ADAMTSL3: variants seen among roughly 807,000 people sequenced by gnomAD.
The protein encoded by ADAMTSL3 is ADAMTS like 3, also known as ADAMTS-like protein 3.
Under a neutral mutation model 201.7 loss-of-function variants are expected in ADAMTSL3, and 128 were observed. The ratio of observed to expected loss-of-function variants is 0.63; its 90% CI spans 0.55 to 0.73. ADAMTSL3 has a LOEUF of 0.73. Ranked by LOEUF, ADAMTSL3 falls within the 30% of genes least tolerant of loss-of-function variation. The probability of loss-of-function intolerance (pLI) is 0.00; values close to 1 mark genes in which losing one functional copy is unlikely to be tolerated. For synonymous variants in ADAMTSL3, 738 were observed against 748.4 expected (o/e 0.99, Z 0.23); for missense variants, 1,990 against 2,119.6 (o/e 0.94, Z 1.20).
chr15:83,761,826 A>G (rs868626548), intron 3 of ADAMTSL3, among the ~76,000 whole-genome samples: 1 of 152,204 alleles, frequency 6.6e-6, no homozygotes, highest in Non-Finnish European at 1.5e-5. Context: ...TCTTGCTACA[A>G]TCTGAGAGGA....
chr15:83,809,367 A>T (rs115509569), intron 5 of ADAMTSL3, among the ~76,000 whole-genome samples: 92 of 152,320 alleles, frequency 6.0e-4, no homozygotes, highest in African/African-American at 2.1e-3. Context: ...AATAGGGTCA[A>T]CTGCAAATGG....
chr15:83,963,675 C>T (rs566579666), intron 19 of ADAMTSL3, among the ~76,000 whole-genome samples: 1 of 152,360 alleles, frequency 6.6e-6, no homozygotes, highest in African/African-American at 2.4e-5. Context: ...TAGACTGTCT[C>T]CTCAAGTGGG....
At chr15:83,702,927 C>G (rs2061796253) in intron 2 of ADAMTSL3, among the ~76,000 whole-genome samples, 1 of 152,174 alleles carries the variant, frequency 6.6e-6, no homozygotes, top group Admixed American at 6.5e-5. Flanking sequence ...CCTCGAAGAG[C>G]CACAGACATT....
At chr15:83,894,818 CAT>C (rs72182889) in intron 13 of ADAMTSL3, among the ~76,000 whole-genome samples, 40,341 of 150,426 alleles carry the variant, frequency 0.27, 6,016 homozygotes, top group Admixed American at 0.42. Context: ...GTCAAAATAA[CAT>C]ATATATATAT....
chr15:83,750,999 T>C (rs1483478906), intron 3 of ADAMTSL3, among the ~76,000 whole-genome samples: 1 of 152,234 alleles, frequency 6.6e-6, no homozygotes. Context: ...TAAGTCCCTC[T>C]TGTATGTCAG....
chr15:84,006,037 G>T (rs1451008036), intron 23 of ADAMTSL3, among the ~76,000 whole-genome samples: 1 of 152,230 alleles, frequency 6.6e-6, no homozygotes, highest in African/African-American at 2.4e-5. Flanking sequence ...AGGGTATGCA[G>T]TTAACTCAGA....
chr15:83,925,228 C>A (rs943841106), intron 17 of ADAMTSL3, among the ~76,000 whole-genome samples: 1 of 152,158 alleles, frequency 6.6e-6, no homozygotes, highest in East Asian at 1.9e-4. Flanking sequence ...CTCCAGCCCG[C>A]ACAGTCTCAG....
chr15:83,751,879 A>G (rs542379172), intron 3 of ADAMTSL3, among the ~76,000 whole-genome samples: 1 of 152,190 alleles, frequency 6.6e-6, no homozygotes, highest in Admixed American at 6.5e-5. Context: ...TTTGGGGGCA[A>G]ATACCAGCCT....
intron 22 of ADAMTSL3, among the ~76,000 whole-genome samples, chr15:83,990,030 A>T (rs1480152862): frequency 6.6e-6 from 1 of 152,204 alleles, no homozygotes; most frequent in Non-Finnish European, 1.5e-5. Context: ...GTCTTTAAAT[A>T]GTCTTTTCTA....
chr15:83,703,343 G>A (rs2061801672), intron 2 of ADAMTSL3, among the ~76,000 whole-genome samples: 1 of 152,136 alleles, frequency 6.6e-6, no homozygotes, highest in Non-Finnish European at 1.5e-5. Flanking sequence ...TGTTGGGAAG[G>A]CATGATTGGT....
chr15:83,858,697 T>C (rs1338290026), intron 7 of ADAMTSL3, 69 bp from the exon 8 acceptor site: 3 of 1,276,764 alleles, frequency 2.3e-6, no homozygotes, highest in Non-Finnish European at 2.2e-6. Context: ...CCAGTTTTGA[T>C]TGACTTGCTC....
At chr15:83,931,942 A>G (rs1336337405) in intron 17 of ADAMTSL3, among the ~76,000 whole-genome samples, 2 of 152,264 alleles carry the variant, frequency 1.3e-5, no homozygotes, top group Admixed American at 6.5e-5. Context: ...ACTAAAACTT[A>G]GGAAAAAATA....
chr15:83,886,844 C>A (rs139696519), intron 10 of ADAMTSL3, among the ~76,000 whole-genome samples: 5 of 152,296 alleles, frequency 3.3e-5, no homozygotes, highest in African/African-American at 1.2e-4. Context: ...AACAACAGGG[C>A]AGGCACTTTT....
chr15:83,659,058 C>T (rs1192405477), intron 2 of ADAMTSL3, among the ~76,000 whole-genome samples: 1 of 152,196 alleles, frequency 6.6e-6, no homozygotes, highest in Non-Finnish European at 1.5e-5. Context: ...GGCCCTCCAC[C>T]GTGTTTGCCC....
chr15:83,846,325 C>T (rs139185516), intron 7 of ADAMTSL3, among the ~76,000 whole-genome samples: 1 of 152,328 alleles, frequency 6.6e-6, no homozygotes, highest in East Asian at 1.9e-4. Context: ...GAAATAGGCT[C>T]AGTGAAATTA....
At chr15:83,813,427 T>C (rs914693938) in intron 5 of ADAMTSL3, among the ~76,000 whole-genome samples, 1 of 152,018 alleles carries the variant, frequency 6.6e-6, no homozygotes, top group African/African-American at 2.4e-5. Flanking sequence ...GAAAAAAAAA[T>C]TCAGTCACTC....
At position 83,987,007 on chromosome 15, in the gene ADAMTSL3, A is replaced by G. The variant is rs750415238; in HGVS notation, c.3717-1684A>G. 3.9e-5 allele frequency among the ~76,000 whole-genome samples: 6 copies of G among 152,252 alleles called. No individual in the cohort carries two copies. The East Asian group carries it at 7.7e-4, about 19-fold the overall frequency. On this transcript the variant is annotated intron_variant, in intron 21 of 29. Coordinates refer to ENST00000286744, the MANE Select transcript of ADAMTSL3 (RefSeq NM_207517.3). ...GCATGCTCAGCTATTTCTGATCTCA[A>G]TGATTTCTCACTGGACTGTTACCTG...
chr15:83,899,388 T>C (rs2065679029), intron 14 of ADAMTSL3, among the ~76,000 whole-genome samples: 2 of 150,716 alleles, frequency 1.3e-5, no homozygotes, highest in Non-Finnish European at 2.9e-5. Context: ...GGCATTTTTA[T>C]GTTAACTTTG....
chr15:83,855,424 A>G (rs983174115), intron 7 of ADAMTSL3, among the ~76,000 whole-genome samples: 29 of 152,184 alleles, frequency 1.9e-4, no homozygotes, highest in African/African-American at 6.8e-4. Context: ...AGCTGTTTAC[A>G]CTGGGCAAAC....
Sources: gnomAD v4.1 joint callset for allele counts (sites outside exome capture counted in the v4.1 genomes callset) on GRCh38, gnomAD v4.1.1 for gene constraint, MANE v1.5 for transcripts, NCBI Gene and HGNC (gene_info 2026-07-23, HGNC 2026-07-21) for gene names.